The following HYDIN variants were observed in gnomAD, a reference collection of about 807,000 sequenced individuals.
HYDIN encodes axonemal central pair apparatus protein HYDIN.
HYDIN carries 132 observed loss-of-function variants against 403.9 expected under a neutral mutation model. The observed-to-expected ratio is 0.33, with a 90% CI of 0.28 to 0.38. The LOEUF is 0.38. Among genes scored for constraint, HYDIN ranks in the 10% least tolerant of loss-of-function variants. The probability of loss-of-function intolerance (pLI) is 1.00; values close to 1 mark genes in which losing one functional copy is unlikely to be tolerated. For synonymous variants in HYDIN, 1,202 were observed against 1,891.7 expected (o/e 0.64, Z 9.46); for missense variants, 2,827 against 5,009.5 (o/e 0.56, Z 13.15).
At chr16:71,055,219 C>G (rs2144248827) in intron 18 of HYDIN, among the ~76,000 whole-genome samples, 1 of 152,396 alleles carries the variant, frequency 6.6e-6, no homozygotes, top group African/African-American at 2.4e-5. Flanking sequence ...AAAGTCAGAC[C>G]ACTGGGGCCA....
chr16:71,202,872 C>A (rs1598020392), intron 1 of HYDIN, among the ~76,000 whole-genome samples: 1 of 152,264 alleles, frequency 6.6e-6, no homozygotes, highest in Middle Eastern at 3.4e-3. Flanking sequence ...TGGTAAGAAC[C>A]CACTGCCCTC....
chr16:70,849,112 G>A (rs2038432613), intron 75 of HYDIN, among the ~76,000 whole-genome samples: 2 of 151,912 alleles, frequency 1.3e-5, no homozygotes, highest in African/African-American at 2.4e-5. Context: ...CCTCCTCCAG[G>A]GTCTGATTGA....
Position 70,834,245 on chromosome 16 carries a change from G to C in HYDIN, c.13402-81C>G, listed in dbSNP as rs534629160. On this transcript the variant is annotated intron_variant, in intron 78 of 85. Transcript: ENST00000393567. ...CGGTTCCCGGAGTTCTTGCTGCTGC[G>C]ATTGGAACAGGGGTCAGATCTCACT... 14 of 825,888 alleles carry C rather than the reference G, an allele frequency of 1.7e-5. No individual in the cohort carries two copies. The South Asian group carries it at 2.3e-4, about 14-fold the overall frequency. The allele number at this position is 825,888 out of a possible 1,614,324, so 51.2% of individuals were successfully genotyped here. A position where few individuals can be genotyped will look rare whatever the true frequency, so the allele number is the denominator to read the frequency against.
At chr16:71,214,128 A>G (rs981874052) in intron 1 of HYDIN, among the ~76,000 whole-genome samples, 17 of 152,120 alleles carry the variant, frequency 1.1e-4, no homozygotes, top group African/African-American at 3.9e-4. Context: ...TATACTCAAA[A>G]AAGTTTTTAA....
chr16:71,021,294 G>C (rs1241867785), intron 21 of HYDIN, among the ~76,000 whole-genome samples: 1 of 150,228 alleles, frequency 6.7e-6, no homozygotes, highest in Non-Finnish European at 1.5e-5. Context: ...TCAGCTCACT[G>C]CAACCTCTGC....
At chr16:70,969,050 C>G (rs920065192) in intron 36 of HYDIN, among the ~76,000 whole-genome samples, 1 of 151,742 alleles carries the variant, frequency 6.6e-6, no homozygotes, top group African/African-American at 2.4e-5. Context: ...AGAAGAAAAT[C>G]AGCAAACTTG....
intron 1 of HYDIN, among the ~76,000 whole-genome samples, chr16:71,188,359 T>TCTAGGCG (rs977037486): frequency 6.6e-6 from 1 of 152,140 alleles, no homozygotes; most frequent in Non-Finnish European, 1.5e-5. Context: ...TTTCATATCT[T>TCTAGGCG]CTAGGCGCAT....
At chr16:71,126,671 G>A (rs548392581) in intron 9 of HYDIN, among the ~76,000 whole-genome samples, 1 of 152,248 alleles carries the variant, frequency 6.6e-6, no homozygotes, top group South Asian at 2.1e-4. Flanking sequence ...TAGGCCACTA[G>A]TGAGTCCTGC....
chr16:70,960,254 G>A (rs1401112601), intron 38 of HYDIN, among the ~76,000 whole-genome samples: 4 of 151,190 alleles, frequency 2.6e-5, no homozygotes, highest in African/African-American at 4.9e-5. Context: ...GTCAACTATA[G>A]CCCACAGGCC....
Position 70,883,998 on chromosome 16 carries a change from T to C in HYDIN, c.9901A>G (p.Ile3301Val). 6.2e-7 allele frequency: 1 copy of C among 1,614,164 alleles called. No individual in the cohort carries two copies. The highest frequency in any genetic ancestry group is 1.1e-5 in the South Asian group (1 of 91,080). ...GCAGGGTCTCGGCCGGAGATATCGA[T>C]GGCTATAAACTCCTCACACTTTCCC... ...AMGKCEEFIA[I>V]DISGRDPAVH... The change falls in exon 59 of 86, where the codon ATC becomes GTC. Residue 3301 changes from isoleucine (I) to valine (V), a missense_variant. Coordinates refer to ENST00000393567, the MANE Select transcript of HYDIN (RefSeq NM_001270974.2).
chr16:70,890,377 A>C (rs553728586), intron 57 of HYDIN, among the ~76,000 whole-genome samples: 43 of 152,346 alleles, frequency 2.8e-4, no homozygotes, highest in African/African-American at 7.9e-4. Context: ...ATAAATAAAA[A>C]CCAATGTAAA....
chr16:71,103,142 A>G (rs1478385145), intron 10 of HYDIN, among the ~76,000 whole-genome samples: 1 of 70,470 alleles, frequency 1.4e-5, no homozygotes, highest in Admixed American at 1.9e-4. Flanking sequence ...GGGTTGCACT[A>G]TTTCAGCGGA....
chr16:71,222,612 C>T (rs1236672079), intron 1 of HYDIN, among the ~76,000 whole-genome samples: 1 of 152,124 alleles, frequency 6.6e-6, no homozygotes, highest in African/African-American at 2.4e-5. Flanking sequence ...GCTCCTAGAT[C>T]TGATGAACGA....
At chr16:70,906,851 C>G (rs1405224418) in intron 50 of HYDIN, among the ~76,000 whole-genome samples, 13 of 152,206 alleles carry the variant, frequency 8.5e-5, no homozygotes, top group Non-Finnish European at 1.6e-4. Flanking sequence ...TTCATGGCTC[C>G]ATAACACTGG....
In HYDIN at chr16:70,879,701, G is replaced by T. The variant is rs754864245; in HGVS notation, c.10271C>A (p.Ala3424Asp). Residue 3424 changes from alanine to aspartate, a missense_variant, in exon 61 of 86, where the codon GCC (alanine) becomes GAC (aspartate). Transcript: ENST00000393567. Reference sequence around the variant, plus strand: ...CGTGGCAAAGGCATGGGAATGACTGGCAATGCACATCTTGCTGGGTTCCAC... The same window carrying T: ...CGTGGCAAAGGCATGGGAATGACTGTCAATGCACATCTTGCTGGGTTCCAC... Reference protein sequence around the residue: ...FEVEPSKMCIASHSHAFATVS... With the variant: ...FEVEPSKMCIDSHSHAFATVS... The T allele has an allele frequency of 2.3e-5, 33 of 1,432,260 alleles. No homozygotes were observed. Among genetic ancestry groups the T allele is most frequent in the Admixed American group, 8.5e-5 (5 of 58,748 alleles). The allele number at this position is 1,432,260 out of a possible 1,614,324, so 88.7% of individuals were successfully genotyped here.
At position 71,186,757 on chromosome 16, in the gene HYDIN, T is replaced by A; in HGVS notation, c.135+4A>T. On this transcript the variant is annotated splice_donor_region_variant and intron_variant, in intron 2 of 85. Transcript: ENST00000393567. The stretch of plus-strand genomic sequence containing the variant: ...TTTTACATATTAATTCCCGGATACA[T>A]TACCATTCGGTTTACTTCTTCTTCT... 6.2e-7 allele frequency: 1 copy of A among 1,610,180 alleles called. No homozygotes were observed. Among genetic ancestry groups the A allele is most frequent in the Non-Finnish European group, 8.5e-7 (1 of 1,177,592 alleles).
At position 70,850,665 on chromosome 16, in the gene HYDIN, G is replaced by A; in HGVS notation, c.12444-10C>T. 6.2e-7 allele frequency: 1 copy of A among 1,611,934 alleles called. No homozygotes were observed. Among genetic ancestry groups the A allele is most frequent in the African/African-American group, 1.3e-5 (1 of 74,976 alleles). ...AATATCAATTGGGAACCTGGTTGGGGAACAAAACAGCAGATTACCTGACTA... is the reference window on the plus strand; with the variant it reads ...AATATCAATTGGGAACCTGGTTGGGAAACAAAACAGCAGATTACCTGACTA... On this transcript the variant is annotated splice_polypyrimidine_tract_variant and intron_variant, in intron 73 of 85. Coordinates refer to ENST00000393567, the MANE Select transcript of HYDIN (RefSeq NM_001270974.2).
At chr16:70,947,696 C>G (rs1233380798) in intron 41 of HYDIN, among the ~76,000 whole-genome samples, 1 of 152,112 alleles carries the variant, frequency 6.6e-6, no homozygotes, top group Non-Finnish European at 1.5e-5. Context: ...TGAGTGAACT[C>G]CCATTCACAA....
intron 9 of HYDIN, among the ~76,000 whole-genome samples, chr16:71,123,974 T>A: frequency 6.6e-6 from 1 of 152,060 alleles, no homozygotes; most frequent in Non-Finnish European, 1.5e-5. Flanking sequence ...TGTGTCTTTA[T>A]CACCAGCGTG....
Sources: gnomAD v4.1 joint callset for allele counts (sites outside exome capture counted in the v4.1 genomes callset) on GRCh38, gnomAD v4.1.1 for gene constraint, MANE v1.5 for transcripts, NCBI Gene and HGNC (gene_info 2026-07-23, HGNC 2026-07-21) for gene names.